Variants in SPTLC3 observed in about 807,000 individuals in gnomAD.
The protein encoded by SPTLC3 is serine palmitoyltransferase long chain base subunit 3, also known as serine palmitoyltransferase 3.
In SPTLC3, 36 loss-of-function variants were observed where a neutral mutation model predicts 59.3. The ratio of observed to expected loss-of-function variants is 0.61; its 90% CI spans 0.47 to 0.80. The LOEUF is 0.80. SPTLC3 is among the 30% of genes least tolerant of loss of function. SPTLC3 has a pLI of 0.00. For missense variants in SPTLC3, 625 were observed against 685.1 expected, an observed-to-expected ratio of 0.91 and a Z score of 0.98; for synonymous variants, 257 against 240.8, an observed-to-expected ratio of 1.07 and a Z score of -0.62.
chr20:13,116,786 T>C (rs1990579868), intron 7 of SPTLC3, among the ~76,000 whole-genome samples: 1 of 152,198 alleles, frequency 6.6e-6, no homozygotes, highest in Non-Finnish European at 1.5e-5. Flanking sequence ...TCCTGGGAGC[T>C]TGGCAAAAAT....
intron 1 of SPTLC3, among the ~76,000 whole-genome samples, chr20:13,045,567 C>T (rs1185081769): frequency 6.6e-6 from 1 of 152,090 alleles, no homozygotes; most frequent in Non-Finnish European, 1.5e-5. Flanking sequence ...CAATACATTT[C>T]CAGATAGCTT....
intron 8 of SPTLC3, among the ~76,000 whole-genome samples, chr20:13,118,672 G>A (rs998677656): frequency 6.6e-6 from 1 of 152,134 alleles, no homozygotes; most frequent in Non-Finnish European, 1.5e-5. Flanking sequence ...CTCAGCCTAG[G>A]ATGCCACACC....
chr20:13,033,549 T>A (rs75182971), intron 1 of SPTLC3, among the ~76,000 whole-genome samples: 8,387 of 152,238 alleles, frequency 0.055, 271 homozygotes, highest in South Asian at 0.083. Context: ...GAACTCAGTC[T>A]TATGGCCACA....
chr20:13,071,529 T>A (rs1988435295), intron 2 of SPTLC3, among the ~76,000 whole-genome samples: 1 of 152,144 alleles, frequency 6.6e-6, no homozygotes, highest in South Asian at 2.1e-4. Context: ...ACATTGAAAA[T>A]CAGTCAGATT....
chr20:13,109,133 T>C (rs1314550085), intron 6 of SPTLC3, among the ~76,000 whole-genome samples: 3 of 152,174 alleles, frequency 2.0e-5, no homozygotes, highest in African/African-American at 7.2e-5. Flanking sequence ...GGTAGGCAAG[T>C]TCTTCTAAAT....
At chr20:13,148,564 G>C (rs2038570152) in intron 9 of SPTLC3, among the ~76,000 whole-genome samples, 1 of 152,182 alleles carries the variant, frequency 6.6e-6, no homozygotes, top group Non-Finnish European at 1.5e-5. Flanking sequence ...TGCCAAACAA[G>C]AGGCTACCAC....
intron 1 of SPTLC3, among the ~76,000 whole-genome samples, chr20:13,012,320 C>T (rs987008560): frequency 6.6e-6 from 1 of 152,148 alleles, no homozygotes; most frequent in African/African-American, 2.4e-5. Context: ...GAGTTCTTGA[C>T]CTGAATGTTG....
chr20:13,072,148 T>C (rs1988462395), intron 2 of SPTLC3, 108 bp from the exon 3 acceptor site: 15 of 1,234,412 alleles, frequency 1.2e-5, no homozygotes, highest in Non-Finnish European at 1.4e-5. Flanking sequence ...AATATATCTG[T>C]AGATGTGTTA....
At chr20:13,017,406 G>C (rs947564942) in intron 1 of SPTLC3, among the ~76,000 whole-genome samples, 16 of 152,290 alleles carry the variant, frequency 1.1e-4, no homozygotes, top group African/African-American at 3.4e-4. Flanking sequence ...TTGAGAGATA[G>C]TCTGGCTTTC....
intron 9 of SPTLC3, among the ~76,000 whole-genome samples, chr20:13,149,597 G>A (rs2038596756): frequency 6.6e-6 from 1 of 152,242 alleles, no homozygotes. Context: ...ATATGAGAAA[G>A]CGTGGCAACC....
At chr20:13,088,784 A>ATTTTTTTTTTTTTTTTTTTT (rs375680092) in intron 4 of SPTLC3, among the ~76,000 whole-genome samples, 5 of 111,888 alleles carry the variant, frequency 4.5e-5, no homozygotes, top group Non-Finnish European at 5.0e-5. Flanking sequence ...GCACCCGGCT[A>ATTTTTTTTTTTTTTTTTTTT]TTTTTTTTTT....
chr20:13,133,951 A>T (rs1278344989), intron 9 of SPTLC3, among the ~76,000 whole-genome samples: 3 of 152,182 alleles, frequency 2.0e-5, no homozygotes, highest in African/African-American at 7.2e-5. Context: ...TATGACAAGC[A>T]TCCCACTGGA....
chr20:13,015,640 C>T (rs1299186273), intron 1 of SPTLC3, among the ~76,000 whole-genome samples: 1 of 152,046 alleles, frequency 6.6e-6, no homozygotes, highest in Non-Finnish European at 1.5e-5. Flanking sequence ...AGACAAATGA[C>T]ATTGAAGTTT....
intron 2 of SPTLC3, chr20:13,050,462 T>G (rs542071472): frequency 2.6e-5 from 4 of 152,238 alleles, no homozygotes; most frequent in Admixed American, 1.3e-4. Flanking sequence ...CTAAGAATAA[T>G]CAATGTTCCT....
At chr20:13,097,727 C>A (rs1334527591) in intron 6 of SPTLC3, among the ~76,000 whole-genome samples, 1 of 152,050 alleles carries the variant, frequency 6.6e-6, no homozygotes, top group Non-Finnish European at 1.5e-5. Context: ...CAGACAACCC[C>A]AAATTAGGAA....
intron 2 of SPTLC3, among the ~76,000 whole-genome samples, chr20:13,066,765 T>G (rs548134711): frequency 6.6e-6 from 1 of 152,142 alleles, no homozygotes; most frequent in South Asian, 2.1e-4. Flanking sequence ...CTTTGCCTTC[T>G]TTCCCTCCTC....
chr20:13,160,891 G>C (rs185503752), intron 11 of SPTLC3, among the ~76,000 whole-genome samples: 1 of 152,326 alleles, frequency 6.6e-6, no homozygotes, highest in Admixed American at 6.5e-5. Context: ...AGATTCACAG[G>C]GGAGGTGGCT....
chr20:13,012,566 T>C (rs1985310533), intron 1 of SPTLC3, among the ~76,000 whole-genome samples: 1 of 152,184 alleles, frequency 6.6e-6, no homozygotes, highest in Non-Finnish European at 1.5e-5. Flanking sequence ...GTGGTATAGA[T>C]ACTAGTACTA....
At chr20:13,121,118 C>G (rs1162495830) in intron 8 of SPTLC3, among the ~76,000 whole-genome samples, 1 of 152,138 alleles carries the variant, frequency 6.6e-6, no homozygotes, top group Non-Finnish European at 1.5e-5. Flanking sequence ...TGCCGAAGAC[C>G]CCAAACTTTT....
Sources: allele counts gnomAD v4.1 joint callset (sites outside exome capture counted in the v4.1 genomes callset), GRCh38; gene constraint gnomAD v4.1.1; transcripts MANE v1.5; gene names NCBI Gene and HGNC (gene_info 2026-07-23, HGNC 2026-07-21).